MARCHF7: variants seen among roughly 807,000 people sequenced by gnomAD.
MARCHF7 encodes E3 ubiquitin-protein ligase MARCHF7.
Under a neutral mutation model 76.5 loss-of-function variants are expected in MARCHF7, and 20 were observed. The ratio of observed to expected loss-of-function variants is 0.26; its 90% confidence interval spans 0.18 to 0.38. The LOEUF (loss-of-function observed/expected upper bound fraction) is 0.38. Among genes scored for constraint, MARCHF7 ranks in the 10% least tolerant of loss-of-function variants. The pLI, the probability that MARCHF7 is intolerant of heterozygous loss-of-function variation, is 1.00. For missense variants in MARCHF7, 797 were observed against 812.9 expected (o/e 0.98, Z 0.24); for synonymous variants, 295 against 293.0 (o/e 1.01, Z -0.07).
chr2:159,745,884 T>C lies in MARCHF7; in HGVS notation c.461T>C (p.Ile154Thr), dbSNP rs1276315025. ...TTGGAGAGAAGAACAGATTCCTCTA[T>C]TAGTAATCTTATGGATTATAGTCAC... ...RDLERRTDSS[I>T]SNLMDYSHRS... Residue 154 changes from isoleucine to threonine, a missense_variant, in exon 6 of 12, where the codon ATT becomes ACT. Physicochemically the swap from Ile to Thr is moderately conservative, Grantham distance 89. Transcript: ENST00000409175. 2.5e-6 allele frequency: 4 copies of C among 1,611,950 alleles called. No homozygotes were observed. The highest frequency in any genetic ancestry group is 3.4e-6 in the Non-Finnish European group (4 of 1,178,534).
At chr2:159,733,432 C>T in intron 4 of MARCHF7, 1 of 687,016 alleles carries the variant, frequency 1.5e-6, no homozygotes, top group African/African-American at 2.0e-5. Flanking sequence ...GATGTGAAGT[C>T]TCACTGTATT....
chr2:159,766,577 CT>C (rs1434687572), intron 11 of MARCHF7, among the ~76,000 whole-genome samples: 1 of 152,046 alleles, frequency 6.6e-6, no homozygotes, highest in Admixed American at 6.6e-5. Context: ...TATGTCTTTC[CT>C]AAAGACACCC....
chr2:159,725,739 A>C (rs951893600), intron 3 of MARCHF7, among the ~76,000 whole-genome samples: 4 of 151,986 alleles, frequency 2.6e-5, no homozygotes, highest in African/African-American at 4.8e-5. Flanking sequence ...TCCTTCTTTC[A>C]TATTGGAGGC....
At chr2:159,746,467 C>T (rs1354397581) in intron 6 of MARCHF7, among the ~76,000 whole-genome samples, 6 of 152,210 alleles carry the variant, frequency 3.9e-5, no homozygotes, top group Admixed American at 6.5e-5. Flanking sequence ...AATGGCACGA[C>T]GTCAGCTCAC....
chr2:159,738,879 T>C (rs1703785670), intron 4 of MARCHF7, among the ~76,000 whole-genome samples: 1 of 152,196 alleles, frequency 6.6e-6, no homozygotes, highest in African/African-American at 2.4e-5. Flanking sequence ...CCTGCTACTG[T>C]TCATGGCACC....
intron 7 of MARCHF7, among the ~76,000 whole-genome samples, chr2:159,749,253 C>T (rs545263896): frequency 6.6e-6 from 1 of 152,244 alleles, no homozygotes; most frequent in South Asian, 2.1e-4. Context: ...GCTGGGATTA[C>T]AGGCATGAGC....
At chr2:159,743,767 C>A (rs577144664) in intron 5 of MARCHF7, among the ~76,000 whole-genome samples, 1 of 149,178 alleles carries the variant, frequency 6.7e-6, no homozygotes, top group Non-Finnish European at 1.5e-5. Flanking sequence ...ATTAGCTGGG[C>A]ATGGTGGTGC....
At chr2:159,719,666 T>TA (rs1701415163) in intron 3 of MARCHF7, among the ~76,000 whole-genome samples, 1 of 152,212 alleles carries the variant, frequency 6.6e-6, no homozygotes, top group Admixed American at 6.5e-5. Flanking sequence ...AGTCTATTGT[T>TA]AAACCCATCA....
chr2:159,727,161 A>G (rs1427129310), intron 3 of MARCHF7, among the ~76,000 whole-genome samples: 1 of 152,246 alleles, frequency 6.6e-6, no homozygotes, highest in Non-Finnish European at 1.5e-5. Context: ...CATATGGTAC[A>G]ATATAGATGA....
At position 159,748,521 on chromosome 2, in the gene MARCHF7, A is replaced by G. The variant is rs2125601071; in HGVS notation, c.1231A>G (p.Arg411Gly). The stretch of plus-strand genomic sequence containing the variant: ...GCGAGAGGGAAGAGATGAATCTTCA[A>G]GGATACCTACCTCTGATACATCATC... Reference protein sequence around the residue: ...RRREGRDESSRIPTSDTSSRS... With the variant: ...RRREGRDESSGIPTSDTSSRS... The change falls in exon 7 of 12, where the codon AGG becomes GGG. Residue 411 changes from arginine (R) to glycine (G), a missense_variant. Arg to Gly is a moderately radical substitution (Grantham distance 125, BLOSUM62 -2). Coordinates refer to ENST00000409175, the MANE Select transcript of MARCHF7 (RefSeq NM_001282805.2). 1.2e-6 allele frequency: 2 copies of G among 1,614,122 alleles called. No individual in the cohort carries two copies.
At chr2:159,713,034 G>T (rs1037508263) in intron 1 of MARCHF7, among the ~76,000 whole-genome samples, 1 of 152,194 alleles carries the variant, frequency 6.6e-6, no homozygotes, top group African/African-American at 2.4e-5. Context: ...GCGTGAGCTC[G>T]CCGGTGAGCG....
rs151087651 is a variant in MARCHF7 at position 159,767,177 on chromosome 2, T to C, written c.2057-107T>C. The C allele has an allele frequency of 2.4e-4, 183 of 768,612 alleles. 1 individual carries two copies. In the African/African-American group the frequency reaches 2.8e-3, roughly 12 times the overall value. The allele number at this position is 768,612 out of a possible 1,614,324, so 47.6% of individuals were successfully genotyped here. On this transcript the variant is annotated intron_variant, in intron 11 of 11. Coordinates refer to ENST00000409175, the MANE Select transcript of MARCHF7 (RefSeq NM_001282805.2). ...CATTTTGATCAAACAATATACTAAATTGGGATTTTTGTTTTTACAAGTCAT... is the reference window on the plus strand; with the variant it reads ...CATTTTGATCAAACAATATACTAAACTGGGATTTTTGTTTTTACAAGTCAT...
chr2:159,742,152 AC>A (rs2125539261), intron 4 of MARCHF7, among the ~76,000 whole-genome samples: 1 of 152,314 alleles, frequency 6.6e-6, no homozygotes, highest in South Asian at 2.1e-4. Context: ...TATTTTGTGT[AC>A]ATATATGTTA....
At chr2:159,767,140 C>A in intron 11 of MARCHF7, 144 bp from the exon 12 acceptor site, 1 of 623,780 alleles carries the variant, frequency 1.6e-6, no homozygotes, top group Non-Finnish European at 2.8e-6. Flanking sequence ...CTAACCCTGT[C>A]ATACAACTTA....
At chr2:159,724,931 G>A (rs921291486) in intron 3 of MARCHF7, among the ~76,000 whole-genome samples, 4 of 152,130 alleles carry the variant, frequency 2.6e-5, no homozygotes, top group Admixed American at 2.0e-4. Context: ...AACATGCCAT[G>A]TTTGGTTTTC....
chr2:159,716,765 A>T (rs1314580768), intron 3 of MARCHF7, among the ~76,000 whole-genome samples: 1 of 152,198 alleles, frequency 6.6e-6, no homozygotes, highest in Non-Finnish European at 1.5e-5. Context: ...TTCCCTGGAT[A>T]TTTAAGATAG....
In MARCHF7 at chr2:159,747,994, G is replaced by A. The variant is rs375192961; in HGVS notation, c.704G>A (p.Arg235Gln). ...TCTTCAAGAGAATCAGAATCTTCCCGAAGCAATACGCAGCCTGGATTTTCT... is the reference window on the plus strand; with the variant it reads ...TCTTCAAGAGAATCAGAATCTTCCCAAAGCAATACGCAGCCTGGATTTTCT... ...NFSSRESESS[R>Q]SNTQPGFSYS... The change falls in exon 7 of 12, where the codon CGA becomes CAA. Residue 235 changes from arginine (R) to glutamine (Q), a missense_variant. Physicochemically the swap from Arg to Gln is conservative, Grantham distance 43 (BLOSUM62 1). This residue lies in a region of MARCHF7 where 643 missense variants were observed against 631.5 expected (regional missense o/e 1.02). Transcript: ENST00000409175. 1.5e-5 allele frequency: 25 copies of A among 1,613,932 alleles called. No individual in the cohort carries two copies. The highest frequency in any genetic ancestry group is 2.2e-5 in the East Asian group (1 of 44,886).
intron 10 of MARCHF7, 79 bp from the exon 11 acceptor site, chr2:159,764,547 T>C (rs751920217): frequency 1.1e-4 from 117 of 1,087,460 alleles, no homozygotes; most frequent in Non-Finnish European, 1.4e-4. Context: ...TAAGTAGAAA[T>C]GAATCTCCTA....
At position 159,770,816 on chromosome 2, in the gene MARCHF7, T is replaced by TAAC. The variant is rs1553790060; in HGVS notation, c.*3475_*3477dup. 2.0e-5 allele frequency: 3 copies of TAAC among 152,198 alleles called. No homozygotes were observed. The allele number at this position is 152,198 out of a possible 1,614,324, so 9.4% of individuals were successfully genotyped here. A position where few individuals can be genotyped will look rare whatever the true frequency, so the allele number is the denominator to read the frequency against. The stretch of plus-strand genomic sequence containing the variant: ...AAGCTGATTTTCACACAAGATTCCC[T>TAAC]AACTATGCATTTCTTAGAACGTATC... On this transcript the variant is annotated 3_prime_UTR_variant, in exon 12 of 12. Coordinates refer to ENST00000409175, the MANE Select transcript of MARCHF7 (RefSeq NM_001282805.2).
Sources: gnomAD v4.1 joint callset for allele counts (sites outside exome capture counted in the v4.1 genomes callset) on GRCh38, gnomAD v4.1.1 for gene constraint, gnomAD v4.1.1 regional missense constraint, MANE v1.5 for transcripts, NCBI Gene and HGNC (gene_info 2026-07-23, HGNC 2026-07-21) for gene names.